Variants in AKAP19 observed in about 807,000 individuals in gnomAD.
The protein encoded by AKAP19 is A-kinase anchoring protein 19.
the AKAP19 span, among the ~76,000 whole-genome samples, chr2:189,954,350 A>G: frequency 6.6e-6 from 1 of 152,238 alleles, no homozygotes. Context: ...ATATTTTGCA[A>G]ATGAAAAGAT....
the AKAP19 span, among the ~76,000 whole-genome samples, chr2:189,944,830 G>A: frequency 6.6e-6 from 1 of 152,112 alleles, no homozygotes; most frequent in African/African-American, 2.4e-5. Flanking sequence ...CTCCAGAATG[G>A]ACCATATCTT....
At chr2:189,891,790 T>C in the AKAP19 span, among the ~76,000 whole-genome samples, 18 of 152,282 alleles carry the variant, frequency 1.2e-4, no homozygotes, top group East Asian at 3.5e-3. Context: ...TCTTGCTAGG[T>C]TGGGAAAGTT....
the AKAP19 span, among the ~76,000 whole-genome samples, chr2:190,175,939 C>A: frequency 6.6e-6 from 1 of 152,148 alleles, no homozygotes; most frequent in Non-Finnish European, 1.5e-5. Flanking sequence ...CCCCTTTAAA[C>A]GAGGCTTCTT....
chr2:189,934,851 G>T, the AKAP19 span, among the ~76,000 whole-genome samples: 1 of 151,862 alleles, frequency 6.6e-6, no homozygotes, highest in Non-Finnish European at 1.5e-5. Context: ...GAAAGAAAAA[G>T]ATATATTCTC....
At chr2:190,066,589 C>T in the AKAP19 span, among the ~76,000 whole-genome samples, 1 of 152,130 alleles carries the variant, frequency 6.6e-6, no homozygotes, top group East Asian at 1.9e-4. Flanking sequence ...ACTCAACTCA[C>T]TTAACATCAT....
At chr2:190,069,465 A>T in the AKAP19 span, among the ~76,000 whole-genome samples, 9 of 152,050 alleles carry the variant, frequency 5.9e-5, no homozygotes, top group Admixed American at 1.3e-4. Context: ...AAAAATAATA[A>T]TTTTTTTGAT....
At chr2:190,121,932 T>A in the AKAP19 span, among the ~76,000 whole-genome samples, 1 of 152,186 alleles carries the variant, frequency 6.6e-6, no homozygotes, top group African/African-American at 2.4e-5. Flanking sequence ...ATGATGTGTT[T>A]TGCTGATGAA....
At chr2:190,060,054 T>C in the AKAP19 span, 350 of 1,610,756 alleles carry the variant, frequency 2.2e-4, 3 homozygotes, top group East Asian at 7.5e-3. Flanking sequence ...TTTTCAGTTA[T>C]CACTTACCAG....
At chr2:190,088,941 TC>T in the AKAP19 span, among the ~76,000 whole-genome samples, 1 of 152,220 alleles carries the variant, frequency 6.6e-6, no homozygotes, top group Admixed American at 6.5e-5. Context: ...CTCTAAGCGT[TC>T]TCCCAGCTCT....
chr2:190,030,415 T>C, the AKAP19 span, among the ~76,000 whole-genome samples: 1 of 152,240 alleles, frequency 6.6e-6, no homozygotes, highest in Non-Finnish European at 1.5e-5. Context: ...TGATTTCTCC[T>C]CCTATCCCAT....
chr2:189,947,119 G>C, the AKAP19 span, among the ~76,000 whole-genome samples: 1 of 152,144 alleles, frequency 6.6e-6, no homozygotes, highest in African/African-American at 2.4e-5. Context: ...AAAGTGCCTA[G>C]CACTGATAAA....
chr2:190,070,564 G>T, the AKAP19 span, among the ~76,000 whole-genome samples: 1 of 150,394 alleles, frequency 6.6e-6, no homozygotes, highest in Non-Finnish European at 1.5e-5. Flanking sequence ...AAGAACTTCA[G>T]TTTAAACCTT....
the AKAP19 span, chr2:189,923,680 T>C: frequency 5.0e-6 from 8 of 1,613,814 alleles, no homozygotes; most frequent in African/African-American, 2.7e-5. Context: ...ATTGTGACTT[T>C]CAACGGGACT....
the AKAP19 span, among the ~76,000 whole-genome samples, chr2:190,077,019 C>A: frequency 6.6e-6 from 1 of 151,980 alleles, no homozygotes; most frequent in African/African-American, 2.4e-5. Flanking sequence ...TCTTCTGGTA[C>A]AACTGATTTT....
the AKAP19 span, among the ~76,000 whole-genome samples, chr2:190,012,370 T>G: frequency 6.6e-6 from 1 of 152,244 alleles, no homozygotes; most frequent in Non-Finnish European, 1.5e-5. Flanking sequence ...AGTATTTTTT[T>G]CTTTTTGATG....
At chr2:190,133,235 C>CAAAA in the AKAP19 span, among the ~76,000 whole-genome samples, 35 of 58,108 alleles carry the variant, frequency 6.0e-4, 3 homozygotes, top group Non-Finnish European at 7.5e-4. Context: ...GAGACTCTGC[C>CAAAA]AAAAAAAAAA....
chr2:190,003,878 A>G, the AKAP19 span, among the ~76,000 whole-genome samples: 1 of 152,142 alleles, frequency 6.6e-6, no homozygotes, highest in African/African-American at 2.4e-5. Flanking sequence ...AGAGAAAAAA[A>G]AAAGTTGTAT....
At chr2:190,027,785 A>G in the AKAP19 span, among the ~76,000 whole-genome samples, 9 of 152,196 alleles carry the variant, frequency 5.9e-5, no homozygotes, top group Admixed American at 1.3e-4. Context: ...TACAAGGACT[A>G]TAAGTATATG....
the AKAP19 span, among the ~76,000 whole-genome samples, chr2:190,041,552 A>G: frequency 1.3e-5 from 2 of 152,142 alleles, no homozygotes; most frequent in Non-Finnish European, 2.9e-5. Context: ...TTTCAATACT[A>G]TGTTGAATAG....
Sources: allele counts gnomAD v4.1 joint callset (sites outside exome capture counted in the v4.1 genomes callset), GRCh38; gene constraint gnomAD v4.1.1; transcripts MANE v1.5; gene names NCBI Gene and HGNC (gene_info 2026-07-23, HGNC 2026-07-21).